FAM184B: variants seen among roughly 807,000 people sequenced by gnomAD.
FAM184B encodes the protein family with sequence similarity 184 member B, also known as protein FAM184B.
Under a neutral mutation model 135.9 loss-of-function variants are expected in FAM184B, and 111 were observed. The observed-to-expected ratio is 0.82, with a 90% CI of 0.70 to 0.96. The LOEUF (loss-of-function observed/expected upper bound fraction) is 0.96, where lower values mean the gene tolerates loss of function less well. Ranked by LOEUF, FAM184B falls within the 40% of genes least tolerant of loss-of-function variation. The pLI is 0.00. For synonymous variants in FAM184B, 552 were observed against 524.8 expected, an observed-to-expected ratio of 1.05 and a Z score of -0.71; for missense variants, 1,375 against 1,323.9, an observed-to-expected ratio of 1.04 and a Z score of -0.60.
chr4:17,710,256 G>A (rs1042784845), intron 1 of FAM184B, among the ~76,000 whole-genome samples: 21 of 152,020 alleles, frequency 1.4e-4, no homozygotes, highest in African/African-American at 3.6e-4. Context: ...CCCAGGAGGC[G>A]GAGGTTGCAG....
At chr4:17,648,271 G>C (rs1259713023) in intron 11 of FAM184B, among the ~76,000 whole-genome samples, 2 of 152,130 alleles carry the variant, frequency 1.3e-5, no homozygotes, top group East Asian at 3.9e-4. Flanking sequence ...CAAAGAACAG[G>C]AAATTATCAA....
At chr4:17,654,562 A>T (rs1031369196) in intron 10 of FAM184B, among the ~76,000 whole-genome samples, 4 of 152,232 alleles carry the variant, frequency 2.6e-5, no homozygotes, top group Admixed American at 2.6e-4. Context: ...CAGAGAGGTG[A>T]TGGAAGAGGC....
intron 8 of FAM184B, among the ~76,000 whole-genome samples, chr4:17,661,064 A>G (rs2108942670): frequency 6.6e-6 from 1 of 152,316 alleles, no homozygotes; most frequent in South Asian, 2.1e-4. Flanking sequence ...TGCAAAAGCC[A>G]GACTACCCAG....
In FAM184B at chr4:17,642,260, G is replaced by T. The variant is rs764962176; in HGVS notation, c.2347-32C>A. 2.8e-6 allele frequency: 4 copies of T among 1,445,510 alleles called. No homozygotes were observed. In the African/African-American group the frequency reaches 6.0e-5, roughly 22 times the overall value. 89.5% of individuals were successfully genotyped at this position (1,445,510 alleles called of 1,614,324 possible). A position where few individuals can be genotyped will look rare whatever the true frequency, so the allele number is the denominator to read the frequency against. ...AAGGCAACCAGGAGAGGTGTTTTCA[G>T]GAGGCGCAGGGGCAGACAAGGCAGA... On this transcript the variant is annotated intron_variant, in intron 12 of 17. Coordinates refer to ENST00000265018, the MANE Select transcript of FAM184B (RefSeq NM_015688.2).
In FAM184B at chr4:17,721,122, C is replaced by T. The variant is rs554872866; in HGVS notation, c.142-11478G>A. 6.0e-5 allele frequency among the ~76,000 whole-genome samples: 9 copies of T among 151,018 alleles called. No homozygotes were observed. In the East Asian group the frequency reaches 9.9e-4, roughly 17 times the overall value. ...AATCTCGGCTGGGCGCGGTGGCTTA[C>T]GCCTGTAATCCCAGCACTTTCGGAG... On this transcript the variant is annotated intron_variant, in intron 1 of 17. Coordinates refer to ENST00000265018, the MANE Select transcript of FAM184B (RefSeq NM_015688.2).
At chr4:17,733,304 A>C (rs982470271) in intron 1 of FAM184B, among the ~76,000 whole-genome samples, 10 of 152,264 alleles carry the variant, frequency 6.6e-5, no homozygotes, top group East Asian at 1.9e-4. Context: ...TCTCACCACT[A>C]CTATTCAACA....
At chr4:17,658,665 T>G in intron 9 of FAM184B, 103 bp from the exon 10 acceptor site, 1 of 1,137,506 alleles carries the variant, frequency 8.8e-7, no homozygotes, top group Non-Finnish European at 1.2e-6. Context: ...CAGCTGAGCC[T>G]CCTCTGTCTG....
At chr4:17,703,973 G>A (rs1294941776) in intron 5 of FAM184B, among the ~76,000 whole-genome samples, 3 of 151,572 alleles carry the variant, frequency 2.0e-5, no homozygotes, top group Non-Finnish European at 2.9e-5. Context: ...TCAGGCTGCC[G>A]AGAGGTTATA....
chr4:17,664,477 G>C, intron 8 of FAM184B, 85 bp downstream of exon 8: 2 of 1,083,970 alleles, frequency 1.8e-6, no homozygotes, highest in Non-Finnish European at 1.4e-6. Context: ...AAATACTTGA[G>C]GATAGAATGA....
intron 7 of FAM184B, among the ~76,000 whole-genome samples, chr4:17,677,167 C>T (rs1483874310): frequency 6.6e-6 from 1 of 152,154 alleles, no homozygotes; most frequent in Non-Finnish European, 1.5e-5. Context: ...CCCACCTCAG[C>T]CTCCCAAGTA....
At chr4:17,726,031 C>G (rs2108974887) in intron 1 of FAM184B, among the ~76,000 whole-genome samples, 1 of 152,032 alleles carries the variant, frequency 6.6e-6, no homozygotes, top group Non-Finnish European at 1.5e-5. Flanking sequence ...TCACGCCATT[C>G]TCCTGTGTCA....
intron 8 of FAM184B, among the ~76,000 whole-genome samples, chr4:17,663,636 A>ACCCC (rs1560171244): frequency 6.7e-6 from 1 of 149,904 alleles, no homozygotes; most frequent in Non-Finnish European, 1.5e-5. Context: ...ACACACACAC[A>ACCCC]CACACACAAA....
chr4:17,731,545 A>G (rs1477929299), intron 1 of FAM184B, among the ~76,000 whole-genome samples: 1 of 152,222 alleles, frequency 6.6e-6, no homozygotes, highest in Non-Finnish European at 1.5e-5. Flanking sequence ...CTGATAAAAA[A>G]GACTTTAAAC....
rs928214309 is a variant in FAM184B at position 17,756,592 on chromosome 4, T to C, written c.141+24567A>G. ...TACCACCAGCTAACCAAATAGTTGA[T>C]GAGCAGAAGTTTCTCTTGATAGAAG... On this transcript the variant is annotated intron_variant, in intron 1 of 17. Coordinates refer to ENST00000265018, the MANE Select transcript of FAM184B (RefSeq NM_015688.2). Among the ~76,000 whole-genome samples the C allele has an allele frequency of 2.0e-5, 3 of 152,300 alleles. No individual in the cohort carries two copies. The South Asian group carries it at 6.2e-4, about 32-fold the overall frequency.
intron 1 of FAM184B, among the ~76,000 whole-genome samples, chr4:17,756,195 G>C (rs1466733408): frequency 6.6e-6 from 1 of 152,132 alleles, no homozygotes; most frequent in Non-Finnish European, 1.5e-5. Flanking sequence ...GCTGAATCCA[G>C]ATCTAGAGCA....
Position 17,709,312 on chromosome 4 carries a change from G to A in FAM184B, c.474C>T (p.Tyr158=), listed in dbSNP as rs981520278. The A allele has an allele frequency of 3.9e-6, 6 of 1,549,894 alleles. No individual in the cohort carries two copies. In the African/African-American group the frequency reaches 8.2e-5, roughly 21 times the overall value. ...TCGTCAGGTGCTGGAGCCTCCTCTC[G>A]TAGTCAGCCTTGAGCTCCAGCATTT... ...SREMLELKAD[Y]ERRLQHLTSH... Residue 158 remains tyrosine (Y), a synonymous_variant, in exon 2 of 18, where the codon TAC becomes TAT. Coordinates refer to ENST00000265018, the MANE Select transcript of FAM184B (RefSeq NM_015688.2).
At chr4:17,702,815 C>T (rs1003133856) in intron 5 of FAM184B, among the ~76,000 whole-genome samples, 2 of 152,200 alleles carry the variant, frequency 1.3e-5, no homozygotes, top group East Asian at 1.9e-4. Flanking sequence ...TGTAGTTCTG[C>T]GAGAGCATGC....
At chr4:17,652,777 A>G (rs1418323578) in intron 11 of FAM184B, 53 bp downstream of exon 11, 13 of 1,521,924 alleles carry the variant, frequency 8.5e-6, no homozygotes, top group Non-Finnish European at 1.2e-5. Flanking sequence ...TGGTTTCTAC[A>G]TGCAGACCCT....
At chr4:17,727,229 T>A (rs1717663059) in intron 1 of FAM184B, among the ~76,000 whole-genome samples, 1 of 152,108 alleles carries the variant, frequency 6.6e-6, no homozygotes, top group South Asian at 2.1e-4. Flanking sequence ...GAGAAGGACG[T>A]GTACACACAC....
Sources: allele counts gnomAD v4.1 joint callset (sites outside exome capture counted in the v4.1 genomes callset), GRCh38; gene constraint gnomAD v4.1.1; transcripts MANE v1.5; gene names NCBI Gene and HGNC (gene_info 2026-07-23, HGNC 2026-07-21).